FIBCD1: variants seen among roughly 807,000 people sequenced by gnomAD.
FIBCD1 encodes fibrinogen C domain containing 1, also known as fibrinogen C domain-containing protein 1.
In FIBCD1, 47 loss-of-function variants were observed where a neutral mutation model predicts 45.1. That is an observed-to-expected ratio of 1.04 (90% CI 0.82 to 1.33). The LOEUF is 1.33. Among genes scored for constraint, FIBCD1 ranks in the 40% most tolerant of loss-of-function variants. FIBCD1 has a pLI of 0.00. For synonymous variants in FIBCD1, 313 were observed against 308.1 expected, an observed-to-expected ratio of 1.02 and a Z score of -0.17; for missense variants, 653 against 682.2, an observed-to-expected ratio of 0.96 and a Z score of 0.48.
At chr9:130,923,059 G>T (rs1161329904) in intron 4 of FIBCD1, among the ~76,000 whole-genome samples, 1 of 152,214 alleles carries the variant, frequency 6.6e-6, no homozygotes, top group African/African-American at 2.4e-5. Context: ...CCGGAACCCA[G>T]TATACAGTAG....
chr9:130,930,403 T>C (rs1453601645), intron 1 of FIBCD1, among the ~76,000 whole-genome samples: 97 of 96,050 alleles, frequency 1.0e-3, no homozygotes, highest in Non-Finnish European at 1.3e-3. Flanking sequence ...CATGGGGAGA[T>C]GCGGGGAGAC....
intron 2 of FIBCD1, among the ~76,000 whole-genome samples, 170 bp from the exon 3 acceptor site, chr9:130,924,566 G>A (rs1554775196): frequency 6.6e-6 from 1 of 152,206 alleles, no homozygotes; most frequent in Non-Finnish European, 1.5e-5. Flanking sequence ...GTGGTCTGAG[G>A]GGCCAGCCAG....
chr9:130,904,342 AGG>A lies in FIBCD1; in HGVS notation c.1127-21_1127-20del. 6.3e-7 allele frequency: 1 copy of A among 1,588,580 alleles called. No individual in the cohort carries two copies. The highest frequency in any genetic ancestry group is 8.6e-7 in the Non-Finnish European group (1 of 1,164,916). On this transcript the variant is annotated intron_variant, in intron 6 of 6. Coordinates refer to ENST00000372338, the MANE Select transcript of FIBCD1 (RefSeq NM_032843.5). ...GAGTCGCCTGCGCAGGGGTGCACAC[AGG>A]TGTGGGCACGGGGGGCACGGGTACA...
In FIBCD1 at chr9:130,922,917, T is replaced by G. The variant is rs1357891277; in HGVS notation, c.849+827A>C. Among the ~76,000 whole-genome samples, 1 of 152,178 alleles carries G rather than the reference T, an allele frequency of 6.6e-6. No homozygotes were observed. The highest frequency in any genetic ancestry group is 1.5e-5 in the Non-Finnish European group (1 of 68,036). On this transcript the variant is annotated intron_variant, in intron 4 of 6. Coordinates refer to ENST00000372338, the MANE Select transcript of FIBCD1 (RefSeq NM_032843.5). The surrounding 1 kb of genome is among the most constrained non-coding windows in gnomAD (Gnocchi z 4.5). ...AAATCCTCCCTGCTTTAATGGCTCA[T>G]GAGAAATGCCCCCTTCTCCAGGAAG...
intron 1 of FIBCD1, chr9:130,930,877 A>G: frequency 2.2e-6 from 1 of 450,678 alleles, no homozygotes; most frequent in Admixed American, 2.4e-5. Context: ...CAGCGATGCT[A>G]TAGATGGTCT....
chr9:130,910,160 T>G (rs1832011136), intron 5 of FIBCD1, among the ~76,000 whole-genome samples: 1 of 152,160 alleles, frequency 6.6e-6, no homozygotes, highest in Non-Finnish European at 1.5e-5. Context: ...GTGCGGCGCT[T>G]GCGGGCCAGC....
chr9:130,926,685 G>A lies in FIBCD1; in HGVS notation c.553-2289C>T, dbSNP rs1832367881. ...AAATACAAAAAAATTAGCCGGGCGT[G>A]GTGGCGGGCGCCTGTAGTCCCAGCT... On this transcript the variant is annotated intron_variant, in intron 2 of 6. Coordinates refer to ENST00000372338, the MANE Select transcript of FIBCD1 (RefSeq NM_032843.5). The surrounding 1 kb of genome is among the most constrained non-coding windows in gnomAD (Gnocchi z 4.1). Among the ~76,000 whole-genome samples the A allele has an allele frequency of 1.3e-5, 2 of 152,108 alleles. No individual in the cohort carries two copies. The highest frequency in any genetic ancestry group is 4.1e-4 in the South Asian group (2 of 4,826).
rs973865441 is a variant in FIBCD1 at position 130,938,707 on chromosome 9, C to A, written c.-100G>T. The A allele has an allele frequency of 5.3e-5, 37 of 692,976 alleles. No individual in the cohort carries two copies. The African/African-American group carries it at 6.7e-4, about 13-fold the overall frequency. The allele number at this position is 692,976 out of a possible 1,614,324, so 42.9% of individuals were successfully genotyped here. On this transcript the variant is annotated 5_prime_UTR_variant, in exon 1 of 7. The change creates a premature stop within an existing upstream ORF in the 5' untranslated region. Transcript: ENST00000372338. ...GCGCGGGCGCGGGGCGCGCTCTGTC[C>A]GCCGGGTCCCCGCCTCTGTGCCCCG...
chr9:130,923,996 C>T, intron 3 of FIBCD1, 116 bp from the exon 4 acceptor site: 2 of 1,507,592 alleles, frequency 1.3e-6, no homozygotes, highest in Non-Finnish European at 1.8e-6. Context: ...GTTGAGAGAG[C>T]ACTGGCCTTG....
At chr9:130,911,646 A>G (rs1832050438) in intron 5 of FIBCD1, 146 bp downstream of exon 5, 2 of 666,844 alleles carry the variant, frequency 3.0e-6, no homozygotes, top group East Asian at 2.7e-5. Flanking sequence ...TGTCACCTTC[A>G]TGCATGACAC....
intron 5 of FIBCD1, among the ~76,000 whole-genome samples, chr9:130,906,642 T>G (rs1338799045): frequency 2.6e-5 from 4 of 152,156 alleles, no homozygotes; most frequent in Non-Finnish European, 5.9e-5. Flanking sequence ...CCGCTCTCCC[T>G]CTCTGGGCCC....
chr9:130,938,097 G>T (rs1025150487), intron 1 of FIBCD1: 1 of 158,660 alleles, frequency 6.3e-6, no homozygotes, highest in Non-Finnish European at 1.4e-5. Context: ...GATTCAGGGG[G>T]TCAGGTTCAG....
At position 130,923,681 on chromosome 9, in the gene FIBCD1, C is replaced by G. The variant is rs1021214266; in HGVS notation, c.849+63G>C. ...GGAAGCTGCTCGGAATGCCCGGGTT[C>G]AGGTACACAGCCTCACGGTCCCCGG... On this transcript the variant is annotated intron_variant, in intron 4 of 6. Coordinates refer to ENST00000372338, the MANE Select transcript of FIBCD1 (RefSeq NM_032843.5). The G allele has an allele frequency of 2.5e-6, 4 of 1,585,352 alleles. No individual in the cohort carries two copies. The African/African-American group carries it at 4.0e-5, about 16-fold the overall frequency.
chr9:130,915,126 T>TGG (rs1832136014), intron 4 of FIBCD1, among the ~76,000 whole-genome samples: 1 of 152,232 alleles, frequency 6.6e-6, no homozygotes, highest in Non-Finnish European at 1.5e-5. Flanking sequence ...GCAGGTCCAC[T>TGG]GACCAGGATG....
intron 1 of FIBCD1, chr9:130,933,833 C>G (rs1460284403): frequency 6.6e-6 from 1 of 152,222 alleles, no homozygotes; most frequent in Admixed American, 6.5e-5. Context: ...TGGCAGGAGT[C>G]CCCTGGGGAG....
chr9:130,906,187 G>A (rs781732683), intron 5 of FIBCD1, among the ~76,000 whole-genome samples: 35 of 151,878 alleles, frequency 2.3e-4, no homozygotes, highest in African/African-American at 7.7e-4. Context: ...CCTCAACTCT[G>A]CCCTGCCCAT....
At chr9:130,929,018 G>C (rs1349924338) in intron 2 of FIBCD1, among the ~76,000 whole-genome samples, 1 of 152,148 alleles carries the variant, frequency 6.6e-6, no homozygotes, top group Admixed American at 6.5e-5. Flanking sequence ...GGGCAGGGGT[G>C]GGGAGGGTGG....
intron 5 of FIBCD1, 83 bp from the exon 6 acceptor site, chr9:130,905,496 G>A: frequency 7.1e-7 from 1 of 1,410,686 alleles, no homozygotes; most frequent in African/African-American, 1.4e-5. Flanking sequence ...TGACAGCTGA[G>A]CTCATGCAGT....
rs116806299 is a variant in FIBCD1 at position 130,905,628 on chromosome 9, G to A, written c.947-215C>T. Among the ~76,000 whole-genome samples, 1,461 of 152,330 alleles carry A rather than the reference G, an allele frequency of 9.6e-3. 17 individuals are homozygous for A. The highest frequency in any genetic ancestry group is 0.034 in the African/African-American group (1,401 of 41,578). ...ACAGTTTTCATGTTTGGTTTTCTCT[G>A]TTCCCTTTAAGTGGAGCTGTGATGC... is the stretch of plus-strand genomic sequence containing the variant. On this transcript the variant is annotated intron_variant, in intron 5 of 6. Coordinates refer to ENST00000372338, the MANE Select transcript of FIBCD1 (RefSeq NM_032843.5).
Sources: gnomAD v4.1 joint callset for allele counts (sites outside exome capture counted in the v4.1 genomes callset) on GRCh38, gnomAD v4.1.1 for gene constraint, Gnocchi (gnomAD v3.1) non-coding constraint, MANE v1.5 for transcripts, NCBI Gene and HGNC (gene_info 2026-07-23, HGNC 2026-07-21) for gene names.